ZNF430: variants seen among roughly 807,000 people sequenced by gnomAD.
The protein encoded by ZNF430 is zinc finger protein 430.
A neutral mutation model predicts 56.7 loss-of-function variants in ZNF430; 35 were observed. The observed-to-expected ratio is 0.62, with a 90% CI of 0.47 to 0.82. ZNF430 has a LOEUF of 0.82. Ranked by LOEUF, ZNF430 falls within the 40% of genes least tolerant of loss-of-function variation. The pLI is 0.00. For missense variants in ZNF430, 574 were observed against 661.0 expected (o/e 0.87, Z 1.44); for synonymous variants, 212 against 224.3 (o/e 0.94, Z 0.49).
chr19:21,028,508 G>A (rs1967844274), intron 2 of ZNF430, among the ~76,000 whole-genome samples: 2 of 152,146 alleles, frequency 1.3e-5, no homozygotes, highest in Non-Finnish European at 2.9e-5. Flanking sequence ...CTCCAGCCTG[G>A]ATTATCATTG....
intron 4 of ZNF430, among the ~76,000 whole-genome samples, chr19:21,042,002 G>A (rs1020901932): frequency 1.3e-5 from 2 of 152,074 alleles, no homozygotes; most frequent in South Asian, 4.2e-4. Context: ...ATGAGCCACC[G>A]TGCCCAGCCC....
chr19:21,055,483 C>T (rs977727085), intron 4 of ZNF430, among the ~76,000 whole-genome samples: 12 of 151,266 alleles, frequency 7.9e-5, no homozygotes, highest in Admixed American at 7.3e-4. Context: ...GGGTCTTGCT[C>T]TGTCTCCCAG....
At chr19:21,040,252 A>G (rs28635135) in intron 4 of ZNF430, among the ~76,000 whole-genome samples, 7,448 of 152,218 alleles carry the variant, frequency 0.049, 589 homozygotes, top group African/African-American at 0.17. Context: ...TGTTAAGCCT[A>G]TTTGGTCTGT....
In ZNF430 at chr19:21,056,652, A is replaced by G. The variant is rs1968383672; in HGVS notation, c.344A>G (p.Gln115Arg). The part of the protein sequence containing the change: ...QPPVTYSHFA[Q>R]DLWPEQGIKD... ...TCAGTTACATATTCTCATTTTGCCC[A>G]AGACCTTTGGCCAGAGCAGGGCATA... Residue 115 changes from glutamine (Q) to arginine (R), a missense_variant, in exon 5 of 5, where the codon CAA becomes CGA. By Grantham distance (43) the Gln-to-Arg change is conservative. Coordinates refer to ENST00000261560, the MANE Select transcript of ZNF430 (RefSeq NM_025189.4). The G allele has an allele frequency of 6.5e-7, 1 of 1,530,650 alleles. No homozygotes were observed. The allele number at this position is 1,530,650 out of a possible 1,614,324, so 94.8% of individuals were successfully genotyped here.
At chr19:21,029,590 T>C (rs984885085) in intron 2 of ZNF430, among the ~76,000 whole-genome samples, 1 of 152,112 alleles carries the variant, frequency 6.6e-6, no homozygotes, top group Non-Finnish European at 1.5e-5. Context: ...CTGCCCAAAT[T>C]CTGTTCAGAT....
At chr19:21,028,463 C>G (rs1214793909) in intron 2 of ZNF430, among the ~76,000 whole-genome samples, 1 of 152,156 alleles carries the variant, frequency 6.6e-6, no homozygotes, top group Non-Finnish European at 1.5e-5. Flanking sequence ...TGGAGCTCCA[C>G]CAGGCCATTT....
chr19:21,051,257 G>T (rs1156607213), intron 4 of ZNF430, among the ~76,000 whole-genome samples: 1 of 151,590 alleles, frequency 6.6e-6, no homozygotes, highest in Admixed American at 6.6e-5. Context: ...ATTTCATTTT[G>T]CATAATATCA....
At chr19:21,041,721 T>TTG (rs1968105636) in intron 4 of ZNF430, among the ~76,000 whole-genome samples, 2 of 151,580 alleles carry the variant, frequency 1.3e-5, no homozygotes, top group East Asian at 2.0e-4. Context: ...TGTTTTTGTT[T>TTG]TTGTTGTTGT....
At chr19:21,037,111 C>CTTTTTTTT (rs990607702) in intron 4 of ZNF430, among the ~76,000 whole-genome samples, 29 of 130,782 alleles carry the variant, frequency 2.2e-4, no homozygotes, top group African/African-American at 3.1e-4. Flanking sequence ...ACAAGATTTT[C>CTTTTTTTT]TTTTTTTTTT....
chr19:21,051,646 A>T (rs1459263796), intron 4 of ZNF430, among the ~76,000 whole-genome samples: 1 of 152,066 alleles, frequency 6.6e-6, no homozygotes, highest in Non-Finnish European at 1.5e-5. Context: ...GGCTCGTACC[A>T]CCAAGCCCAG....
rs927457750 is a variant in ZNF430, at chr19:21,059,224, A to T, written c.*1203A>T. 3 of 152,260 alleles carry T rather than the reference A, an allele frequency of 2.0e-5. No homozygotes were observed. Among genetic ancestry groups the T allele is most frequent in the South Asian group, 2.1e-4 (1 of 4,830 alleles). The allele number at this position is 152,260 out of a possible 1,614,324, so 9.4% of individuals were successfully genotyped here. A position where few individuals can be genotyped will look rare whatever the true frequency, so the allele number is the denominator to read the frequency against. On this transcript the variant is annotated 3_prime_UTR_variant, in exon 5 of 5. Coordinates refer to ENST00000261560, the MANE Select transcript of ZNF430 (RefSeq NM_025189.4). ...CACTGAGACTTCAGATATTATACTA[A>T]ATCAGAGTGCTGAGTATAGAAAATA...
intron 4 of ZNF430, among the ~76,000 whole-genome samples, chr19:21,040,441 C>T (rs1484463452): frequency 6.6e-6 from 1 of 152,184 alleles, no homozygotes; most frequent in African/African-American, 2.4e-5. Context: ...AGAGCTGGTT[C>T]ATTAAAATAA....
At chr19:21,039,124 A>G (rs575649817) in intron 4 of ZNF430, among the ~76,000 whole-genome samples, 16 of 151,890 alleles carry the variant, frequency 1.1e-4, no homozygotes, top group African/African-American at 3.6e-4. Flanking sequence ...TAACTTTTGT[A>G]TTTTTAGTAG....
Position 21,057,806 on chromosome 19 carries a change from C to T in ZNF430, c.1498C>T (p.Leu500Phe), listed in dbSNP as rs541749068. 1.9e-6 allele frequency: 3 copies of T among 1,614,044 alleles called. No homozygotes were observed. The Admixed American group carries it at 5.0e-5, about 27-fold the overall frequency. Residue 500 changes from leucine to phenylalanine, a missense_variant, in exon 5 of 5, where the codon CTT becomes TTT. Coordinates refer to ENST00000261560, the MANE Select transcript of ZNF430 (RefSeq NM_025189.4). ...CGKAFNQFSNLTKHKITHIGD... is the reference protein window; with the variant it reads ...CGKAFNQFSNFTKHKITHIGD... ...CAAAGCTTTTAACCAATTCTCAAAC[C>T]TTACTAAACATAAGATAACTCATAT...
intron 2 of ZNF430, among the ~76,000 whole-genome samples, 173 bp from the exon 3 acceptor site, chr19:21,033,283 T>C (rs1489450878): frequency 1.3e-5 from 2 of 151,818 alleles, no homozygotes; most frequent in African/African-American, 2.4e-5. Context: ...GACGCCGGGA[T>C]GCAGAGGTTG....
intron 2 of ZNF430, among the ~76,000 whole-genome samples, chr19:21,031,668 G>A (rs1343631787): frequency 6.6e-6 from 1 of 152,172 alleles, no homozygotes; most frequent in Middle Eastern, 3.4e-3. Flanking sequence ...TTAAAGGAAC[G>A]TTCTCAAAAT....
intron 4 of ZNF430, among the ~76,000 whole-genome samples, chr19:21,045,951 A>G (rs2144778429): frequency 6.6e-6 from 1 of 152,262 alleles, no homozygotes; most frequent in Admixed American, 6.5e-5. Context: ...TTTCTTGAAT[A>G]TGGCACACCA....
chr19:21,033,864 T>C (rs1188347071), intron 3 of ZNF430: 1 of 545,964 alleles, frequency 1.8e-6, no homozygotes, highest in Non-Finnish European at 3.0e-6. Flanking sequence ...TATCTTAAAA[T>C]CTATTTGCCG....
intron 2 of ZNF430, among the ~76,000 whole-genome samples, chr19:21,031,344 A>G (rs764118377): frequency 2.6e-5 from 4 of 152,136 alleles, no homozygotes; most frequent in African/African-American, 9.7e-5. Context: ...GAGGGCTTCA[A>G]TATACATTCA....
Sources: allele counts gnomAD v4.1 joint callset (sites outside exome capture counted in the v4.1 genomes callset), GRCh38; gene constraint gnomAD v4.1.1; transcripts MANE v1.5; gene names NCBI Gene and HGNC (gene_info 2026-07-23, HGNC 2026-07-21).